Variants in AGAP2 observed in about 807,000 individuals in gnomAD.
AGAP2 encodes the protein arf-GAP with GTPase, ANK repeat and PH domain-containing protein 2.
AGAP2 carries 32 observed loss-of-function variants against 110.9 expected under a neutral mutation model. The ratio of observed to expected loss-of-function variants is 0.29; its 90% CI spans 0.22 to 0.39. The LOEUF is 0.39. Among genes scored for constraint, AGAP2 ranks in the 10% least tolerant of loss-of-function variants. The pLI, the probability that AGAP2 is intolerant of heterozygous loss-of-function variation, is 1.00. For missense variants in AGAP2, 1,285 were observed against 1,638.5 expected, an observed-to-expected ratio of 0.78 and a Z score of 3.72; for synonymous variants, 702 against 713.0, an observed-to-expected ratio of 0.98 and a Z score of 0.25.
At position 57,734,336 on chromosome 12, in the gene AGAP2, C is replaced by T. The variant is rs368433604; in HGVS notation, c.1384G>A (p.Gly462Arg). The T allele has an allele frequency of 8.7e-6, 14 of 1,614,118 alleles. No homozygotes were observed. Among genetic ancestry groups the T allele is most frequent in the African/African-American group, 2.7e-5 (2 of 74,940 alleles). The part of the protein sequence containing the change: ...THLVLIREEA[G>R]APDAKFSGWA... ...ACCCTCACCTTGGCATCAGGTGCCC[C>T]AGCTTCCTCTCGGATTAGCACCAGA... Residue 462 changes from glycine (G) to arginine (R), a missense_variant, in exon 4 of 19, where the codon GGG becomes AGG. Physicochemically the swap from Gly to Arg is moderately radical, Grantham distance 125. This residue lies in a region of AGAP2 where 844 missense variants were observed against 941.2 expected (regional missense o/e 0.90). Transcript: ENST00000547588.
Position 57,734,057 on chromosome 12 carries a change from T to A in AGAP2, c.1518A>T (p.Gly506=), listed in dbSNP as rs779793390. 14 of 1,609,408 alleles carry A rather than the reference T, an allele frequency of 8.7e-6. No individual in the cohort carries two copies. The highest frequency in any genetic ancestry group is 1.3e-5 in the African/African-American group (1 of 74,704). ...TCCCCACCAGTGCCAAGGCCAGGCC[T>A]CCTCGTCCCTCCCCGCGAAGGGAAC... is the stretch of plus-strand genomic sequence containing the variant. The part of the protein sequence containing the change: ...QLSSLRGEGR[G]GLALALVGTQ... Residue 506 remains glycine (G), a synonymous_variant, in exon 5 of 19, where the codon GGA becomes GGT. Transcript: ENST00000547588.
In AGAP2 at chr12:57,729,724, G is replaced by T; in HGVS notation, c.2472C>A (p.Pro824=). The T allele has an allele frequency of 6.2e-7, 1 of 1,613,796 alleles. No individual in the cohort carries two copies. The highest frequency in any genetic ancestry group is 1.1e-5 in the South Asian group (1 of 91,068). Residue 824 remains proline, a synonymous_variant, in exon 13 of 19, where the codon CCC becomes CCA. Transcript: ENST00000547588. Reference sequence around the variant, plus strand: ...GCTTCTTCACCATGGGAGAAGGAGGGGGTTCCCGACTCAGGGGGCTCAGGT... The same window carrying T: ...GCTTCTTCACCATGGGAGAAGGAGGTGGTTCCCGACTCAGGGGGCTCAGGT... ...SGDLSPLSRE[P]PPSPMVKKQR... is the part of the protein sequence containing the mutation.
At chr12:57,733,002 G>A (rs1006045196) in intron 5 of AGAP2, 23 bp from the exon 6 acceptor site, 3 of 1,613,554 alleles carry the variant, frequency 1.9e-6, no homozygotes, top group Non-Finnish European at 2.5e-6. Context: ...GAAAGGGGCA[G>A]GATTGAACAA....
chr12:57,738,237 C>T lies in AGAP2; in HGVS notation c.10G>A (p.Gly4Ser), dbSNP rs1955029168. The T allele has an allele frequency of 6.6e-7, 1 of 1,515,278 alleles. No homozygotes were observed. Among genetic ancestry groups the T allele is most frequent in the Non-Finnish European group, 8.8e-7 (1 of 1,136,736 alleles). 93.9% of individuals were successfully genotyped at this position (1,515,278 alleles called of 1,614,324 possible). The change falls in exon 1 of 19, where the codon GGC (glycine) becomes AGC (serine). Residue 4 changes from glycine to serine, a missense_variant. Around this residue, in one of 7 missense-constraint regions of AGAP2, gnomAD observed 844 missense variants for 941.2 expected, o/e 0.90. Transcript: ENST00000547588. The surrounding 1 kb of genome is among the most constrained non-coding windows in gnomAD (Gnocchi z 6.7). MSRGAGALQRRTTT... is the reference protein window; with the variant it reads MSRSAGALQRRTTT... ...GTCCGGCGCTGAAGCGCGCCCGCGC[C>T]CCGGCTCATGGGGCCCGGAGACCCC...
intron 7 of AGAP2, 27 bp from the exon 8 acceptor site, chr12:57,731,994 A>G: frequency 6.2e-7 from 1 of 1,609,794 alleles, no homozygotes; most frequent in Non-Finnish European, 8.5e-7. Context: ...GAGTCAGCAG[A>G]GCTGAGATGC....
At chr12:57,731,312 A>G in intron 10 of AGAP2, 54 bp downstream of exon 10, 2 of 1,425,066 alleles carry the variant, frequency 1.4e-6, no homozygotes, top group Non-Finnish European at 2.0e-6. Flanking sequence ...ATAGACAGGT[A>G]GAACTTGAGG....
chr12:57,737,165 C>T lies in AGAP2; in HGVS notation c.1082G>A (p.Gly361Asp). 1.3e-6 allele frequency: 2 copies of T among 1,578,664 alleles called. No homozygotes were observed. Among genetic ancestry groups the T allele is most frequent in the Non-Finnish European group, 1.7e-6 (2 of 1,162,616 alleles). Residue 361 changes from glycine (G) to aspartate (D), a missense_variant, in exon 1 of 19, where the codon GGC becomes GAC. Physicochemically the swap from Gly to Asp is moderately conservative, Grantham distance 94 (BLOSUM62 -1). This residue lies in a region of AGAP2 where 844 missense variants were observed against 941.2 expected (regional missense o/e 0.90). Coordinates refer to ENST00000547588, the MANE Select transcript of AGAP2 (RefSeq NM_001122772.3). This position sits in a 1 kb window ranked among gnomAD's most constrained non-coding sequence, Gnocchi z 5.9. ...IFTKSTGGPP[G>D]SGPLPGPPSL... Reference sequence around the variant, plus strand: ...GGGGGGTCCGGGAAGGGGCCCGGAGCCAGGAGGCCCTCCTGTGCTCTTGGT... The same window carrying T: ...GGGGGGTCCGGGAAGGGGCCCGGAGTCAGGAGGCCCTCCTGTGCTCTTGGT...
At chr12:57,735,220 C>A in intron 2 of AGAP2, 149 bp downstream of exon 2, 1 of 730,742 alleles carries the variant, frequency 1.4e-6, no homozygotes, top group South Asian at 1.8e-5. Context: ...CATGTTGGTG[C>A]TATGAAGGCA....
rs147194817 is a variant in AGAP2, at chr12:57,734,055, C to A, written c.1520G>T (p.Gly507Val). Residue 507 changes from glycine (G) to valine (V), a missense_variant, in exon 5 of 19, where the codon GGC (glycine) becomes GTC (valine). Physicochemically the swap from Gly to Val is moderately radical, Grantham distance 109. Around this residue, in one of 7 missense-constraint regions of AGAP2, gnomAD observed 844 missense variants for 941.2 expected, o/e 0.90. Coordinates refer to ENST00000547588, the MANE Select transcript of AGAP2 (RefSeq NM_001122772.3). Reference protein sequence around the residue: ...LSSLRGEGRGGLALALVGTQD... With the variant: ...LSSLRGEGRGVLALALVGTQD... ...TGTCCCCACCAGTGCCAAGGCCAGG[C>A]CTCCTCGTCCCTCCCCGCGAAGGGA... 112 of 1,607,642 alleles carry A rather than the reference C, an allele frequency of 7.0e-5. No homozygotes were observed. The highest frequency in any genetic ancestry group is 8.8e-5 in the Non-Finnish European group (103 of 1,176,820).
upstream of AGAP2, among the ~76,000 whole-genome samples, chr12:57,741,755 A>G (rs1051699885): frequency 1.3e-5 from 2 of 152,176 alleles, no homozygotes; most frequent in African/African-American, 4.8e-5. Context: ...GATACCTCCC[A>G]TGTCTTTTTC....
At position 57,731,862 on chromosome 12, in the gene AGAP2, T is replaced by C. The variant is rs1595087551; in HGVS notation, c.1900A>G (p.Ser634Gly). ...GCCCGGTGCAGGGACCCTGGGGTGC[T>C]CAATCCAGCCACTGCAGCTGCCTCG... ...RAEAAAVAGL[S>G]TPGSLHRAAK... Residue 634 changes from serine to glycine, a missense_variant, in exon 8 of 19, where the codon AGC (serine) becomes GGC (glycine). Ser to Gly is a moderately conservative substitution (Grantham distance 56). Coordinates refer to ENST00000547588, the MANE Select transcript of AGAP2 (RefSeq NM_001122772.3). The C allele has an allele frequency of 3.1e-6, 5 of 1,605,860 alleles. No individual in the cohort carries two copies. Among genetic ancestry groups the C allele is most frequent in the African/African-American group, 1.3e-5 (1 of 74,940 alleles).
At chr12:57,741,129 T>TA (rs909545694), upstream of AGAP2, among the ~76,000 whole-genome samples, 3 of 152,094 alleles carry the variant, frequency 2.0e-5, no homozygotes, top group African/African-American at 7.2e-5. Context: ...TCCTCAGTGG[T>TA]AGGGCCTTGT....
chr12:57,730,510 G>A lies in AGAP2; in HGVS notation c.2413C>T (p.Arg805Ter), dbSNP rs762750953. 2 of 1,614,144 alleles carry A rather than the reference G, an allele frequency of 1.2e-6. No individual in the cohort carries two copies. Among genetic ancestry groups the A allele is most frequent in the Admixed American group, 1.7e-5 (1 of 60,020 alleles). Residue 805 changes from arginine (R) to a stop codon, truncating the protein, a stop_gained, in exon 12 of 19, where the codon CGA becomes TGA. Transcript: ENST00000547588. LOFTEE classifies it high-confidence loss of function. ...CCCCACTGACCCGTGCTGAGGGCTC[G>A]GGCCAAATTCCGGTCTGGCTTCAGC... ...HLLKPDRNLA[R>*]ALSTDCTPSG...
Position 57,738,417 on chromosome 12 carries a change from TC to T in AGAP2, c.-172del. ...TCCGCCGCCTCCGCTTGCGCCCCCC[TC>T]CCATCACATGGGGCGCCCCCTCCCC... On this transcript the variant is annotated 5_prime_UTR_variant, in exon 1 of 19. It introduces an in-frame stop codon into an upstream open reading frame of the 5' UTR. Coordinates refer to ENST00000547588, the MANE Select transcript of AGAP2 (RefSeq NM_001122772.3). The surrounding 1 kb of genome is among the most constrained non-coding windows in gnomAD (Gnocchi z 6.7). 1 of 622,724 alleles carries T rather than the reference TC, an allele frequency of 1.6e-6. No individual in the cohort carries two copies. The highest frequency in any genetic ancestry group is 2.0e-6 in the Non-Finnish European group (1 of 500,118). The allele number at this position is 622,724 out of a possible 1,614,324, so 38.6% of individuals were successfully genotyped here.
rs879212425 is a variant in AGAP2, at chr12:57,726,328, G to A, written c.*224C>T. ...GAGCAATCCGAGTGTGGAAACAATG[G>A]AGAGGGGGCGTGTTGAGCTGGGGTC... is the stretch of plus-strand genomic sequence containing the variant. On this transcript the variant is annotated 3_prime_UTR_variant, in exon 19 of 19. Transcript: ENST00000547588. This position sits in a 1 kb window ranked among gnomAD's most constrained non-coding sequence, Gnocchi z 5.7. The A allele has an allele frequency of 9.8e-6, 3 of 307,420 alleles. No homozygotes were observed. Among genetic ancestry groups the A allele is most frequent in the Admixed American group, 5.4e-5 (1 of 18,520 alleles). The allele number at this position is 307,420 out of a possible 1,614,324, so 19.0% of individuals were successfully genotyped here.
At position 57,730,126 on chromosome 12, in the gene AGAP2, T is replaced by A. The variant is rs796306503; in HGVS notation, c.2429-359A>T. Among the ~76,000 whole-genome samples the A allele has an allele frequency of 1.9e-3, 263 of 140,938 alleles. 1 individual carries two copies. Among genetic ancestry groups the A allele is most frequent in the African/African-American group, 4.6e-3 (163 of 35,750 alleles). 92.5% of individuals were successfully genotyped at this position (140,938 alleles called of 152,430 possible). ...TTATTTGCATACTATATATATATAT[T>A]TTTTTTCAAACATGTCAAACATGGC... On this transcript the variant is annotated intron_variant, in intron 12 of 18. Transcript: ENST00000547588.
chr12:57,731,293 G>A, intron 10 of AGAP2, 73 bp downstream of exon 10: 1 of 1,282,492 alleles, frequency 7.8e-7, no homozygotes, highest in Non-Finnish European at 1.1e-6. Flanking sequence ...TTAGTGCTTT[G>A]TCAGAGGCAT....
Position 57,725,335 on chromosome 12 carries a change from C to CAT in AGAP2, c.*1216_*1217insAT, listed in dbSNP as rs1313801538. ...CTGGTCCTTTGCAAACTATTTTAGC[C>CAT]AGAAAAAAAAAAAAAAAAAAAGACC... On this transcript the variant is annotated 3_prime_UTR_variant, in exon 19 of 19. Transcript: ENST00000547588. The CAT allele has an allele frequency of 5.2e-5, 2 of 38,372 alleles. No individual in the cohort carries two copies. Among genetic ancestry groups the CAT allele is most frequent in the South Asian group, 1.4e-3 (1 of 696 alleles). 2.4% of individuals were successfully genotyped at this position (38,372 alleles called of 1,614,324 possible).
upstream of AGAP2, among the ~76,000 whole-genome samples, chr12:57,740,170 CT>C (rs1326677208): frequency 2.0e-5 from 3 of 151,346 alleles, no homozygotes; most frequent in African/African-American, 7.3e-5. Flanking sequence ...GTGGGCGGCT[CT>C]TGGAGGCAGG....
Sources: allele counts gnomAD v4.1 joint callset (sites outside exome capture counted in the v4.1 genomes callset), GRCh38; gene constraint gnomAD v4.1.1; regional missense constraint gnomAD v4.1.1; non-coding constraint Gnocchi (gnomAD v3.1); transcripts MANE v1.5; gene names NCBI Gene and HGNC (gene_info 2026-07-23, HGNC 2026-07-21).